Variants in HTR2C observed in about 807,000 individuals in gnomAD.
HTR2C encodes 5-hydroxytryptamine receptor 2C, also known as 5-hydroxytryptamine (serotonin) receptor 2C, G protein-coupled.
HTR2C carries 5 observed loss-of-function variants against 21.0 expected under a neutral mutation model. The ratio of observed to expected loss-of-function variants is 0.24; its 90% CI spans 0.12 to 0.50. The LOEUF (loss-of-function observed/expected upper bound fraction) is 0.50. Ranked by LOEUF, HTR2C falls within the 20% of genes least tolerant of loss-of-function variation. The probability of loss-of-function intolerance (pLI) is 0.98; values close to 1 mark genes in which losing one functional copy is unlikely to be tolerated. For missense variants in HTR2C, 271 were observed against 371.2 expected (o/e 0.73, Z 2.22); for synonymous variants, 150 against 145.3 (o/e 1.03, Z -0.23).
intron 1 of HTR2C, among the ~76,000 whole-genome samples, chrX:114,610,624 A>G (rs868940992): frequency 1.8e-5 from 2 of 111,764 alleles, no homozygotes; most frequent in Non-Finnish European, 3.8e-5. Context: ...GTTTGGATTA[A>G]TATGTACGGC....
chrX:114,755,684 A>G (rs1477328727), intron 4 of HTR2C, among the ~76,000 whole-genome samples: 2 of 111,325 alleles, frequency 1.8e-5, no homozygotes, highest in Non-Finnish European at 3.8e-5. Flanking sequence ...TTTTCACCCT[A>G]CTACAACTGG....
intron 4 of HTR2C, among the ~76,000 whole-genome samples, chrX:114,733,146 G>T (rs1297922327): frequency 9.0e-6 from 1 of 111,204 alleles, no homozygotes; most frequent in Non-Finnish European, 1.9e-5. Flanking sequence ...GGTTACTCAC[G>T]CCTGTAATCC....
intron 4 of HTR2C, among the ~76,000 whole-genome samples, chrX:114,819,953 T>C (rs2147457992): frequency 9.0e-6 from 1 of 111,495 alleles, no homozygotes; most frequent in Non-Finnish European, 1.9e-5. Flanking sequence ...TCTAATATCT[T>C]ATTGTCACAT....
chrX:114,761,999 C>T (rs781793776), intron 4 of HTR2C, among the ~76,000 whole-genome samples: 1 of 7,596 alleles, frequency 1.3e-4, no homozygotes, highest in Non-Finnish European at 2.5e-4. Context: ...ACTATATATA[C>T]ACATATATAT....
chrX:114,772,363 G>C (rs782545293), intron 4 of HTR2C, among the ~76,000 whole-genome samples: 1 of 110,212 alleles, frequency 9.1e-6, no homozygotes, highest in Non-Finnish European at 1.9e-5. Context: ...TTTAACAAAT[G>C]ACTCAAATTA....
intron 3 of HTR2C, among the ~76,000 whole-genome samples, chrX:114,728,517 A>G (rs1469357277): frequency 1.8e-5 from 2 of 111,509 alleles, no homozygotes; most frequent in African/African-American, 3.2e-5. Flanking sequence ...GTAGTGCTCA[A>G]TAAAAATTTA....
chrX:114,849,827 C>G (rs5988147), intron 5 of HTR2C, among the ~76,000 whole-genome samples: 3,961 of 111,972 alleles, frequency 0.035, 176 homozygotes, highest in African/African-American at 0.12. Flanking sequence ...TAGATTTCAA[C>G]TTATTTCTTT....
At chrX:114,774,783 T>C in intron 4 of HTR2C, 4 of 339,825 alleles carry the variant, frequency 1.2e-5, no homozygotes, top group Middle Eastern at 9.1e-4. Flanking sequence ...GGTCCTTCAA[T>C]GTTTTAAATG....
chrX:114,842,924 A>G (rs2070845843), intron 4 of HTR2C, among the ~76,000 whole-genome samples: 1 of 112,056 alleles, frequency 8.9e-6, no homozygotes, highest in African/African-American at 3.2e-5. Flanking sequence ...ACTTTATAAA[A>G]ATAGTTTTGA....
At chrX:114,599,478 C>T (rs1234642660) in intron 1 of HTR2C, among the ~76,000 whole-genome samples, 1 of 111,730 alleles carries the variant, frequency 9.0e-6, no homozygotes, top group Non-Finnish European at 1.9e-5. Context: ...TCACTAGCTA[C>T]AGAATTCCAG....
chrX:114,841,782 C>T (rs1485562987), intron 4 of HTR2C, among the ~76,000 whole-genome samples: 1 of 111,340 alleles, frequency 9.0e-6, no homozygotes, highest in African/African-American at 3.3e-5. Flanking sequence ...CTGCTAATTT[C>T]GGCACCAGCT....
intron 3 of HTR2C, among the ~76,000 whole-genome samples, chrX:114,727,242 A>C (rs959013849): frequency 8.9e-6 from 1 of 112,384 alleles, no homozygotes; most frequent in Admixed American, 9.5e-5. Flanking sequence ...CTCAATGTTC[A>C]TGGCTACTTT....
chrX:114,788,587 T>C (rs1292298860), intron 4 of HTR2C, among the ~76,000 whole-genome samples: 2 of 110,516 alleles, frequency 1.8e-5, no homozygotes, highest in Non-Finnish European at 3.8e-5. Context: ...CTAATAACAT[T>C]TTTACCCTTA....
intron 2 of HTR2C, among the ~76,000 whole-genome samples, chrX:114,716,702 A>G (rs1933004568): frequency 8.9e-6 from 1 of 112,032 alleles, no homozygotes; most frequent in African/African-American, 3.2e-5. Context: ...TTTTAGTATG[A>G]CAAATGTATG....
At chrX:114,897,643 G>T (rs1034592984) in intron 5 of HTR2C, among the ~76,000 whole-genome samples, 10 of 111,922 alleles carry the variant, frequency 8.9e-5, no homozygotes, top group Non-Finnish European at 1.5e-4. Context: ...ACTTCTAAGT[G>T]AGAAGACAAG....
intron 2 of HTR2C, among the ~76,000 whole-genome samples, chrX:114,665,649 A>G (rs1931148147): frequency 8.9e-6 from 1 of 112,234 alleles, no homozygotes; most frequent in African/African-American, 3.2e-5. Flanking sequence ...GAAAATCATA[A>G]GGAAAAGAAA....
chrX:114,702,248 C>G (rs1341398248), intron 2 of HTR2C, among the ~76,000 whole-genome samples: 4 of 108,147 alleles, frequency 3.7e-5, no homozygotes, highest in Non-Finnish European at 7.7e-5. Context: ...AACTCCAAGA[C>G]ACATAATTGT....
intron 2 of HTR2C, among the ~76,000 whole-genome samples, chrX:114,726,347 T>C (rs781986907): frequency 8.9e-6 from 1 of 112,748 alleles, no homozygotes; most frequent in South Asian, 3.6e-4. Context: ...ACTTCCCAAG[T>C]GAGGCAATGC....
At chrX:114,642,171 G>A (rs1569480651) in intron 2 of HTR2C, among the ~76,000 whole-genome samples, 1 of 111,658 alleles carries the variant, frequency 9.0e-6, no homozygotes, top group Non-Finnish European at 1.9e-5. Flanking sequence ...TTGATTCCAT[G>A]TCTTTGCTAT....
Sources: allele counts gnomAD v4.1 joint callset (sites outside exome capture counted in the v4.1 genomes callset), GRCh38; gene constraint gnomAD v4.1.1; transcripts MANE v1.5; gene names NCBI Gene and HGNC (gene_info 2026-07-23, HGNC 2026-07-21).